RSBN1L: variants seen among roughly 807,000 people sequenced by gnomAD.
The protein encoded by RSBN1L is round spermatid basic protein 1 like.
A neutral mutation model predicts 67.7 loss-of-function variants in RSBN1L; 30 were observed. The ratio of observed to expected loss-of-function variants is 0.44; its 90% CI spans 0.33 to 0.60. The LOEUF (loss-of-function observed/expected upper bound fraction) is 0.60. RSBN1L is among the 20% of genes least tolerant of loss of function. RSBN1L has a pLI of 0.02. For synonymous variants in RSBN1L, 433 were observed against 387.0 expected (o/e 1.12, Z -1.39); for missense variants, 992 against 1,031.7 (o/e 0.96, Z 0.53).
intron 1 of RSBN1L, among the ~76,000 whole-genome samples, chr7:77,701,200 G>C (rs889350377): frequency 6.8e-6 from 1 of 147,684 alleles, no homozygotes; most frequent in Admixed American, 6.8e-5. Context: ...AAAAAAAAAC[G>C]ACATCCCTTC....
At position 77,697,068 on chromosome 7, in the gene RSBN1L, C is replaced by A; in HGVS notation, c.586+13C>A. 2.9e-6 allele frequency: 4 copies of A among 1,362,420 alleles called. No individual in the cohort carries two copies. Among genetic ancestry groups the A allele is most frequent in the Non-Finnish European group, 3.8e-6 (4 of 1,056,786 alleles). 84.4% of individuals were successfully genotyped at this position (1,362,420 alleles called of 1,614,324 possible). A position where few individuals can be genotyped will look rare whatever the true frequency, so the allele number is the denominator to read the frequency against. ...CCGCTGCCCCGAGGTGGGTGCCGTG[C>A]GGGGAGGGGGAGGGGAGGGCGCCGT... On this transcript the variant is annotated intron_variant, in intron 1 of 7. Coordinates refer to ENST00000334955, the MANE Select transcript of RSBN1L (RefSeq NM_198467.3).
rs925916084 is a variant in RSBN1L at position 77,782,876 on chromosome 7, TA to T, written c.*3709del. Reference sequence around the variant, plus strand: ...TAGCACCGTTTGGGTAAATTTGCATTATTTTTTGGACAGGTTCATTGTCATG... The same window carrying T: ...TAGCACCGTTTGGGTAAATTTGCATTTTTTTTGGACAGGTTCATTGTCATG... On this transcript the variant is annotated 3_prime_UTR_variant, in exon 8 of 8. Transcript: ENST00000334955. 1 of 152,170 alleles carries T rather than the reference TA, an allele frequency of 6.6e-6. No individual in the cohort carries two copies. Among genetic ancestry groups the T allele is most frequent in the Admixed American group, 6.5e-5 (1 of 15,278 alleles). The allele number at this position is 152,170 out of a possible 1,614,324, so 9.4% of individuals were successfully genotyped here.
intron 2 of RSBN1L, among the ~76,000 whole-genome samples, chr7:77,739,345 G>T (rs543447136): frequency 6.6e-6 from 1 of 152,232 alleles, no homozygotes; most frequent in Admixed American, 6.5e-5. Context: ...GTTGATGGAT[G>T]ATGGCATTTG....
At chr7:77,757,900 T>G (rs1791641042) in intron 3 of RSBN1L, among the ~76,000 whole-genome samples, 1 of 152,194 alleles carries the variant, frequency 6.6e-6, no homozygotes, top group South Asian at 2.1e-4. Context: ...CAAAGGGAAG[T>G]CACATGGTGA....
At chr7:77,757,827 G>A (rs757965063) in intron 3 of RSBN1L, among the ~76,000 whole-genome samples, 1 of 152,202 alleles carries the variant, frequency 6.6e-6, no homozygotes, top group African/African-American at 2.4e-5. Flanking sequence ...CCATTGAGTA[G>A]AAAGAGGGTA....
intron 3 of RSBN1L, 55 bp from the exon 4 acceptor site, chr7:77,765,440 A>G (rs1429546849): frequency 1.5e-6 from 2 of 1,345,370 alleles, no homozygotes; most frequent in Non-Finnish European, 2.0e-6. Context: ...TTAAATCCAT[A>G]TTCTTCAGGT....
intron 1 of RSBN1L, among the ~76,000 whole-genome samples, chr7:77,716,624 C>CTTTTTTTTTT (rs61611975): frequency 1.3e-5 from 1 of 75,290 alleles, no homozygotes; most frequent in Admixed American, 1.7e-4. Flanking sequence ...GTATCTTCAT[C>CTTTTTTTTTT]TTTTTTTTTT....
At chr7:77,767,656 T>A (rs1300566242) in intron 4 of RSBN1L, among the ~76,000 whole-genome samples, 2 of 151,616 alleles carry the variant, frequency 1.3e-5, no homozygotes, top group Non-Finnish European at 2.9e-5. Flanking sequence ...ATTACAGGCC[T>A]GAGCCACCGT....
intron 3 of RSBN1L, among the ~76,000 whole-genome samples, chr7:77,761,207 A>C (rs573016646): frequency 6.6e-6 from 1 of 152,344 alleles, no homozygotes; most frequent in Non-Finnish European, 1.5e-5. Flanking sequence ...TTATGATACA[A>C]TACTGATGCC....
At chr7:77,708,832 G>C (rs533839207) in intron 1 of RSBN1L, among the ~76,000 whole-genome samples, 35 of 152,290 alleles carry the variant, frequency 2.3e-4, no homozygotes, top group African/African-American at 7.7e-4. Flanking sequence ...GAAGACTACT[G>C]TATTAGTTAA....
At chr7:77,775,250 A>G (rs1008922519) in intron 6 of RSBN1L, among the ~76,000 whole-genome samples, 22 of 151,994 alleles carry the variant, frequency 1.4e-4, no homozygotes, top group African/African-American at 5.3e-4. Flanking sequence ...AAAAGGAGAA[A>G]CAGGCCAGGT....
chr7:77,696,991 T>TGGGGCCCGAGAGGCCGGC lies in RSBN1L; in HGVS notation c.529_546dup (p.Arg177_Ala182dup). ...AGGAGAGGAGGAGGCACGGTCTCGG[T>TGGGGCCCGAGAGGCCGGC]GGGGCCCGAGAGGCCGGCGGGGCCT... On this transcript the variant is annotated inframe_insertion, in exon 1 of 8. Coordinates refer to ENST00000334955, the MANE Select transcript of RSBN1L (RefSeq NM_198467.3). 6.5e-7 allele frequency: 1 copy of TGGGGCCCGAGAGGCCGGC among 1,543,216 alleles called. No individual in the cohort carries two copies. The highest frequency in any genetic ancestry group is 8.7e-7 in the Non-Finnish European group (1 of 1,152,026).
chr7:77,759,151 C>A (rs13229008), intron 3 of RSBN1L, among the ~76,000 whole-genome samples: 10,658 of 152,200 alleles, frequency 0.07, 437 homozygotes, highest in Middle Eastern at 0.095. Context: ...TGTGCTGGGG[C>A]CATTCACTGT....
intron 1 of RSBN1L, among the ~76,000 whole-genome samples, chr7:77,731,617 C>A (rs1207505136): frequency 6.6e-6 from 1 of 152,188 alleles, no homozygotes; most frequent in Non-Finnish European, 1.5e-5. Flanking sequence ...TTATTGGATA[C>A]ATCTTTACCA....
intron 1 of RSBN1L, among the ~76,000 whole-genome samples, chr7:77,706,930 G>C (rs1790900134): frequency 6.6e-6 from 1 of 151,596 alleles, no homozygotes. Flanking sequence ...ATGATACTGT[G>C]TATAATTTAG....
chr7:77,696,917 G>T lies in RSBN1L; in HGVS notation c.448G>T (p.Ala150Ser). 1 of 1,602,670 alleles carries T rather than the reference G, an allele frequency of 6.2e-7. No individual in the cohort carries two copies. The highest frequency in any genetic ancestry group is 8.5e-7 in the Non-Finnish European group (1 of 1,179,290). Residue 150 changes from alanine to serine, a missense_variant, in exon 1 of 8, where the codon GCT (alanine) becomes TCT (serine). This residue lies in a region of RSBN1L where 575 missense variants were observed against 483.2 expected (regional missense o/e 1.19). Transcript: ENST00000334955. ...HHLLLPAAAA[A>S]ASANAKSRRP... Reference sequence around the variant, plus strand: ...TCTCCTCCTGCCCGCCGCCGCCGCCGCTGCCTCGGCTAACGCCAAGTCGCG... The same window carrying T: ...TCTCCTCCTGCCCGCCGCCGCCGCCTCTGCCTCGGCTAACGCCAAGTCGCG...
At chr7:77,774,143 C>CT (rs1417820189) in intron 6 of RSBN1L, among the ~76,000 whole-genome samples, 2 of 151,938 alleles carry the variant, frequency 1.3e-5, no homozygotes, top group East Asian at 3.9e-4. Flanking sequence ...TTTCTGTATT[C>CT]TTTTTTTTCC....
intron 3 of RSBN1L, among the ~76,000 whole-genome samples, chr7:77,752,053 A>G (rs1236169416): frequency 6.6e-6 from 1 of 152,248 alleles, no homozygotes; most frequent in Non-Finnish European, 1.5e-5. Flanking sequence ...CATCTAAACT[A>G]TCTAATATGT....
In RSBN1L at chr7:77,765,506, G is replaced by T; in HGVS notation, c.1356G>T (p.Thr452=). ...MSNFHAQVKR[T]YSHGTYRAGP... is the part of the protein sequence containing the mutation. ...CCATGTTTCTTCAGGTAAAAAGAAC[G>T]TATTCTCATGGTACTTACAGAGCTG... is the stretch of plus-strand genomic sequence containing the variant. The change falls in exon 4 of 8, where the codon ACG becomes ACT. Residue 452 remains threonine, a synonymous_variant. Transcript: ENST00000334955. 1.3e-6 allele frequency: 2 copies of T among 1,570,280 alleles called. No homozygotes were observed. The highest frequency in any genetic ancestry group is 1.7e-6 in the Non-Finnish European group (2 of 1,156,672).
Sources: gnomAD v4.1 joint callset for allele counts (sites outside exome capture counted in the v4.1 genomes callset) on GRCh38, gnomAD v4.1.1 for gene constraint, gnomAD v4.1.1 regional missense constraint, MANE v1.5 for transcripts, NCBI Gene and HGNC (gene_info 2026-07-23, HGNC 2026-07-21) for gene names.